Variants in H2BC5 observed in about 807,000 individuals in gnomAD.
The protein encoded by H2BC5 is H2B clustered histone 5.
Under a neutral mutation model 5.7 loss-of-function variants are expected in H2BC5, and 9 were observed. That is an observed-to-expected ratio of 1.57 (90% CI 0.95 to 2.74). H2BC5 has a LOEUF of 2.74. Ranked by LOEUF, H2BC5 falls within the 30% of genes most tolerant of loss-of-function variation. The pLI, the probability that H2BC5 is intolerant of heterozygous loss-of-function variation, is 0.00. For synonymous variants in H2BC5, 133 were observed against 70.9 expected, an observed-to-expected ratio of 1.88 and a Z score of -4.40; for missense variants, 175 against 168.8, an observed-to-expected ratio of 1.04 and a Z score of -0.20.
intron 1 of H2BC5, among the ~76,000 whole-genome samples, chr6:26,168,145 C>CAAAAAA (rs902206381): frequency 1.4e-5 from 2 of 145,694 alleles, no homozygotes; most frequent in African/African-American, 5.0e-5. Flanking sequence ...TTTTCAATAC[C>CAAAAAA]AAAAAAAAAA....
intron 1 of H2BC5, among the ~76,000 whole-genome samples, chr6:26,169,547 T>C (rs1407991881): frequency 2.6e-5 from 4 of 152,048 alleles, no homozygotes. Context: ...TCTTTATAAA[T>C]ACAAAACAAT....
intron 1 of H2BC5, chr6:26,163,997 T>A (rs1470699048): frequency 2.9e-6 from 1 of 346,258 alleles, no homozygotes; most frequent in African/African-American, 2.2e-5. Flanking sequence ...GAAGTAGAAT[T>A]AAGCTACACC....
Position 26,158,250 on chromosome 6 carries a change from G to T in H2BC5, c.81G>T (p.Gly27=), listed in dbSNP as rs759116134. 1 of 1,614,250 alleles carries T rather than the reference G, an allele frequency of 6.2e-7. No homozygotes were observed. Among genetic ancestry groups the T allele is most frequent in the South Asian group, 1.1e-5 (1 of 91,090 alleles). ...KAVTKAQKKD[G]KKRKRSRKES... ...TGACTAAGGCTCAGAAGAAGGACGGGAAGAAGCGCAAGCGCAGCCGCAAGG... is the reference window on the plus strand; with the variant it reads ...TGACTAAGGCTCAGAAGAAGGACGGTAAGAAGCGCAAGCGCAGCCGCAAGG... The change falls in exon 1 of 1, where the codon GGG becomes GGT. Residue 27 remains glycine, a synonymous_variant. Transcript: ENST00000377777.
chr6:26,159,244 T>G (rs1292364960), downstream of H2BC5, among the ~76,000 whole-genome samples: 2 of 18,036 alleles, frequency 1.1e-4, no homozygotes, highest in South Asian at 3.7e-3. Flanking sequence ...AATTTATAGG[T>G]TTTTTTTTTT....
chr6:26,167,449 C>G (rs73736553), intron 1 of H2BC5, among the ~76,000 whole-genome samples: 2 of 152,156 alleles, frequency 1.3e-5, no homozygotes, highest in African/African-American at 4.8e-5. Context: ...CAGCCTAGAC[C>G]GCTGGGGCTC....
intron 1 of H2BC5, among the ~76,000 whole-genome samples, chr6:26,169,543 T>A (rs910169811): frequency 2.6e-5 from 4 of 152,130 alleles, no homozygotes; most frequent in African/African-American, 9.7e-5. Context: ...ATATTCTTTA[T>A]AAATACAAAA....
chr6:26,167,817 G>A (rs1332550398), intron 1 of H2BC5, among the ~76,000 whole-genome samples: 1 of 152,048 alleles, frequency 6.6e-6, no homozygotes, highest in Non-Finnish European at 1.5e-5. Flanking sequence ...TGGCTTTGTA[G>A]AGAAGGTTGC....
rs1464434340 is a variant in H2BC5 at position 26,158,479 on chromosome 6, C to T, written c.310C>T (p.Pro104Ser). Residue 104 changes from proline (P) to serine (S), a missense_variant, in exon 1 of 1, where the codon CCG (proline) becomes TCG (serine). Coordinates refer to ENST00000377777, the MANE Select transcript of H2BC5 (RefSeq NM_021063.4). ...CCAGACGGCCGTGCGCCTGCTGCTT[C>T]CGGGGGAGCTGGCCAAGCACGCCGT... ...EIQTAVRLLLPGELAKHAVSE... is the reference protein window; with the variant it reads ...EIQTAVRLLLSGELAKHAVSE... 1 of 1,614,256 alleles carries T rather than the reference C, an allele frequency of 6.2e-7. No homozygotes were observed. Among genetic ancestry groups the T allele is most frequent in the Admixed American group, 1.7e-5 (1 of 60,034 alleles).
At chr6:26,159,261 T>TG (rs1561968584), downstream of H2BC5, among the ~76,000 whole-genome samples, 2 of 143,262 alleles carry the variant, frequency 1.4e-5, no homozygotes, top group African/African-American at 5.2e-5. Context: ...TTTTTTTTTT[T>TG]TTTTTTTTTT....
At chr6:26,160,077 A>C (rs574579357), downstream of H2BC5, among the ~76,000 whole-genome samples, 17 of 152,154 alleles carry the variant, frequency 1.1e-4, no homozygotes, top group Non-Finnish European at 2.2e-4. Flanking sequence ...AATGCAAATA[A>C]AAAAGTCAGC....
downstream of H2BC5, among the ~76,000 whole-genome samples, chr6:26,158,924 G>A (rs1764294390): frequency 6.6e-6 from 1 of 152,200 alleles, no homozygotes; most frequent in African/African-American, 2.4e-5. Context: ...GAGCACGAAA[G>A]TGCACGCTCT....
rs769123728 is a variant in H2BC5, at chr6:26,158,251, A to T, written c.82A>T (p.Lys28Ter). Residue 28 changes from lysine to a stop codon, truncating the protein, a stop_gained, in exon 1 of 1, where the codon AAG (lysine) becomes TAG (stop). Transcript: ENST00000377777. LOFTEE classifies it high-confidence loss of function. ...AVTKAQKKDG[K>*]KRKRSRKESY... is the part of the protein sequence containing the mutation. ...GACTAAGGCTCAGAAGAAGGACGGG[A>T]AGAAGCGCAAGCGCAGCCGCAAGGA... The T allele has an allele frequency of 1.9e-6, 3 of 1,614,260 alleles. No individual in the cohort carries two copies. The highest frequency in any genetic ancestry group is 2.7e-5 in the African/African-American group (2 of 75,072).
chr6:26,158,180 C>A lies in H2BC5; in HGVS notation c.11C>A (p.Pro4His). 1.2e-6 allele frequency: 2 copies of A among 1,613,866 alleles called. No homozygotes were observed. The highest frequency in any genetic ancestry group is 1.7e-6 in the Non-Finnish European group (2 of 1,179,922). Residue 4 changes from proline (P) to histidine (H), a missense_variant, in exon 1 of 1, where the codon CCT becomes CAT. Transcript: ENST00000377777. Reference sequence around the variant, plus strand: ...ACTATTAACGCTACGATGCCTGAACCTACCAAGTCTGCTCCTGCCCCAAAG... The same window carrying A: ...ACTATTAACGCTACGATGCCTGAACATACCAAGTCTGCTCCTGCCCCAAAG... MPEPTKSAPAPKKG... is the reference protein window; with the variant it reads MPEHTKSAPAPKKG...
chr6:26,158,277 G>A lies in H2BC5; in HGVS notation c.108G>A (p.Glu36=), dbSNP rs116043061. ...DGKKRKRSRK[E]SYSVYVYKVL... The stretch of plus-strand genomic sequence containing the variant: ...AGAAGCGCAAGCGCAGCCGCAAGGA[G>A]AGCTATTCAGTGTATGTGTACAAGG... The change falls in exon 1 of 1, where the codon GAG becomes GAA. Residue 36 remains glutamate (E), a synonymous_variant. Transcript: ENST00000377777. 1,394 of 1,614,234 alleles carry A rather than the reference G, an allele frequency of 8.6e-4. 9 individuals carry two copies. In the African/African-American group the frequency reaches 0.012, roughly 13 times the overall value.
chr6:26,160,514 G>GAAAAA (rs34183291), downstream of H2BC5, among the ~76,000 whole-genome samples: 5 of 55,164 alleles, frequency 9.1e-5, no homozygotes, highest in Admixed American at 2.2e-4. Context: ...TCCTGTCTCT[G>GAAAAA]AAAAAAAAAA....
At chr6:26,162,935 T>C (rs953641913), downstream of H2BC5, among the ~76,000 whole-genome samples, 1 of 152,154 alleles carries the variant, frequency 6.6e-6, no homozygotes, top group Non-Finnish European at 1.5e-5. Flanking sequence ...TCATATGCTT[T>C]TTCTTTTTTA....
chr6:26,158,314 G>T lies in H2BC5; in HGVS notation c.145G>T (p.Val49Phe). The change falls in exon 1 of 1, where the codon GTC becomes TTC. Residue 49 changes from valine (V) to phenylalanine (F), a missense_variant. This residue lies in a region of H2BC5 where 119 missense variants were observed against 85.6 expected (regional missense o/e 1.39). Coordinates refer to ENST00000377777, the MANE Select transcript of H2BC5 (RefSeq NM_021063.4). ...SVYVYKVLKQ[V>F]HPDTGISSKA... ...GTATGTGTACAAGGTGCTGAAGCAG[G>T]TCCATCCCGACACCGGCATCTCTTC... is the stretch of plus-strand genomic sequence containing the variant. The T allele has an allele frequency of 6.2e-7, 1 of 1,614,236 alleles. No individual in the cohort carries two copies. Among genetic ancestry groups the T allele is most frequent in the Non-Finnish European group, 8.5e-7 (1 of 1,180,054 alleles).
intron 1 of H2BC5, among the ~76,000 whole-genome samples, chr6:26,165,442 C>T (rs1257456416): frequency 2.0e-5 from 3 of 152,046 alleles, no homozygotes; most frequent in African/African-American, 4.8e-5. Context: ...CAGCTGCTAC[C>T]GTTGTGTCCC....
chr6:26,167,311 A>G (rs1318069749), intron 1 of H2BC5, among the ~76,000 whole-genome samples: 1 of 152,030 alleles, frequency 6.6e-6, no homozygotes, highest in African/African-American at 2.4e-5. Context: ...TGCCAACACA[A>G]CCTTTGGGCA....
Sources: allele counts gnomAD v4.1 joint callset (sites outside exome capture counted in the v4.1 genomes callset), GRCh38; gene constraint gnomAD v4.1.1; regional missense constraint gnomAD v4.1.1; transcripts MANE v1.5; gene names NCBI Gene and HGNC (gene_info 2026-07-23, HGNC 2026-07-21).